The following VEPH1 variants were observed in gnomAD, a reference collection of about 807,000 sequenced individuals.
The protein encoded by VEPH1 is ventricular zone-expressed PH domain-containing protein homolog 1.
In VEPH1, 80 loss-of-function variants were observed where a neutral mutation model predicts 85.2. That is an observed-to-expected ratio of 0.94 (90% CI 0.78 to 1.13). The LOEUF (loss-of-function observed/expected upper bound fraction) is 1.13, where lower values mean the gene tolerates loss of function less well. Ranked by LOEUF, VEPH1 falls within the 50% of genes most tolerant of loss-of-function variation. The probability of loss-of-function intolerance (pLI) is 0.00; values close to 1 mark genes in which losing one functional copy is unlikely to be tolerated. For missense variants in VEPH1, 955 were observed against 980.5 expected, an observed-to-expected ratio of 0.97 and a Z score of 0.35; for synonymous variants, 297 against 348.0, an observed-to-expected ratio of 0.85 and a Z score of 1.63.
intron 7 of VEPH1, among the ~76,000 whole-genome samples, chr3:157,365,820 C>T (rs1383671322): frequency 1.3e-5 from 2 of 152,064 alleles, no homozygotes; most frequent in East Asian, 3.9e-4. Flanking sequence ...CGCTGTACTC[C>T]CAGCAACTCA....
intron 4 of VEPH1, among the ~76,000 whole-genome samples, chr3:157,446,871 C>A (rs1293192611): frequency 6.6e-6 from 1 of 152,168 alleles, no homozygotes; most frequent in African/African-American, 2.4e-5. Context: ...GGCACCATCA[C>A]CTACTAACTT....
chr3:157,364,312 C>G lies in VEPH1; in HGVS notation c.1328G>C (p.Arg443Thr). 6.2e-7 allele frequency: 1 copy of G among 1,609,582 alleles called. No homozygotes were observed. Residue 443 changes from arginine to threonine, a missense_variant, in exon 8 of 14, where the codon AGA becomes ACA. Arg to Thr is a moderately conservative substitution (Grantham distance 71). Transcript: ENST00000362010. ...QVSKEERKNI[R>T]FNRSKSLAFH... ...ACCAAACGAGTTATACCTGTTAAATCTAATGTTTTTTCTTTCTTCTTTAGA... is the reference window on the plus strand; with the variant it reads ...ACCAAACGAGTTATACCTGTTAAATGTAATGTTTTTTCTTTCTTCTTTAGA...
At chr3:157,427,198 T>C (rs1190551676) in intron 5 of VEPH1, among the ~76,000 whole-genome samples, 1 of 152,014 alleles carries the variant, frequency 6.6e-6, no homozygotes, top group Admixed American at 6.6e-5. Flanking sequence ...GTGTTGGTCC[T>C]GTTGGTTGAA....
chr3:157,377,801 C>T (rs1281740592), intron 7 of VEPH1, among the ~76,000 whole-genome samples: 1 of 152,170 alleles, frequency 6.6e-6, no homozygotes, highest in African/African-American at 2.4e-5. Flanking sequence ...TTATAAATTA[C>T]TCACTCTCAG....
chr3:157,485,075 G>A (rs1738494879), intron 2 of VEPH1, among the ~76,000 whole-genome samples: 1 of 152,110 alleles, frequency 6.6e-6, no homozygotes, highest in South Asian at 2.1e-4. Flanking sequence ...TATTTTGCAA[G>A]AAAATGTGGA....
intron 12 of VEPH1, among the ~76,000 whole-genome samples, chr3:157,280,171 T>C (rs1178219959): frequency 1.3e-5 from 2 of 152,106 alleles, no homozygotes; most frequent in African/African-American, 4.8e-5. Context: ...TTTTAAAATA[T>C]ACTAAGTATT....
At chr3:157,480,034 C>T (rs1422566816) in intron 2 of VEPH1, among the ~76,000 whole-genome samples, 2 of 146,954 alleles carry the variant, frequency 1.4e-5, no homozygotes, top group African/African-American at 5.1e-5. Context: ...TTCTTTCATT[C>T]TTTTTTTCTT....
At chr3:157,308,432 C>G (rs1719750468) in intron 11 of VEPH1, among the ~76,000 whole-genome samples, 1 of 151,880 alleles carries the variant, frequency 6.6e-6, no homozygotes, top group South Asian at 2.1e-4. Flanking sequence ...TATACATTAA[C>G]TGATTATATG....
chr3:157,452,082 C>CA (rs1241379675), intron 4 of VEPH1, among the ~76,000 whole-genome samples: 1 of 152,032 alleles, frequency 6.6e-6, no homozygotes, highest in Non-Finnish European at 1.5e-5. Flanking sequence ...GTGTGATTGA[C>CA]AAAAAACTGA....
intron 2 of VEPH1, among the ~76,000 whole-genome samples, 174 bp downstream of exon 2, chr3:157,495,038 C>T (rs1238981262): frequency 1.3e-5 from 2 of 152,202 alleles, no homozygotes; most frequent in African/African-American, 2.4e-5. Context: ...TAAGCCATGA[C>T]TTCCCTACTG....
intron 12 of VEPH1, among the ~76,000 whole-genome samples, chr3:157,282,925 C>A (rs111652179): frequency 9.8e-5 from 15 of 152,286 alleles, no homozygotes; most frequent in African/African-American, 3.6e-4. Flanking sequence ...TGAGTTATTT[C>A]AGAAATTTTC....
intron 5 of VEPH1, among the ~76,000 whole-genome samples, chr3:157,424,070 C>T (rs956422367): frequency 6.6e-6 from 1 of 152,166 alleles, no homozygotes; most frequent in South Asian, 2.1e-4. Context: ...ATTGTACTCC[C>T]ATAATTCCCA....
chr3:157,389,680 TAGATA>T (rs1179187022), intron 6 of VEPH1, among the ~76,000 whole-genome samples: 9 of 143,520 alleles, frequency 6.3e-5, no homozygotes, highest in African/African-American at 2.4e-4. Context: ...GATAGATAGA[TAGATA>T]GATAGATAGA....
chr3:157,365,018 G>T (rs1297470820), intron 7 of VEPH1, among the ~76,000 whole-genome samples: 7 of 152,218 alleles, frequency 4.6e-5, no homozygotes, highest in African/African-American at 1.7e-4. Flanking sequence ...GATGTTGGAA[G>T]AAAGAGGTTT....
chr3:157,349,659 G>A (rs1038093672), intron 9 of VEPH1, among the ~76,000 whole-genome samples: 1 of 152,052 alleles, frequency 6.6e-6, no homozygotes, highest in Non-Finnish European at 1.5e-5. Flanking sequence ...AAAACTCTAA[G>A]AATTAATAAA....
intron 11 of VEPH1, among the ~76,000 whole-genome samples, chr3:157,287,706 G>A (rs541374676): frequency 1.3e-5 from 2 of 151,744 alleles, no homozygotes; most frequent in African/African-American, 4.8e-5. Flanking sequence ...CTGGGTTTAC[G>A]GGTGCCTGCC....
At chr3:157,344,647 A>G (rs1723990004) in intron 9 of VEPH1, among the ~76,000 whole-genome samples, 1 of 152,320 alleles carries the variant, frequency 6.6e-6, no homozygotes, top group South Asian at 2.1e-4. Flanking sequence ...GCTACCAATG[A>G]CTTTCTTCAC....
At chr3:157,472,849 C>T (rs76479624) in intron 2 of VEPH1, among the ~76,000 whole-genome samples, 3,015 of 152,134 alleles carry the variant, frequency 0.02, 124 homozygotes, top group African/African-American at 0.07. Flanking sequence ...CATGATCTTG[C>T]TCTTTTTTAC....
intron 11 of VEPH1, among the ~76,000 whole-genome samples, chr3:157,310,862 C>T (rs1720031513): frequency 6.6e-6 from 1 of 152,138 alleles, no homozygotes. Context: ...AGTCACATGG[C>T]CAGCCTTGCT....
Sources: gnomAD v4.1 joint callset for allele counts (sites outside exome capture counted in the v4.1 genomes callset) on GRCh38, gnomAD v4.1.1 for gene constraint, MANE v1.5 for transcripts, NCBI Gene and HGNC (gene_info 2026-07-23, HGNC 2026-07-21) for gene names.